The following PUF60 variants were observed in gnomAD, a reference collection of about 807,000 sequenced individuals.
PUF60 encodes the protein poly(U) binding splicing factor 60.
A neutral mutation model predicts 61.8 loss-of-function variants in PUF60; 10 were observed. That is an observed-to-expected ratio of 0.16 (90% CI 0.10 to 0.27). The LOEUF (loss-of-function observed/expected upper bound fraction) is 0.27. Ranked by LOEUF, PUF60 falls within the 10% of genes least tolerant of loss-of-function variation. The pLI is 1.00. For synonymous variants in PUF60, 353 were observed against 300.9 expected, an observed-to-expected ratio of 1.17 and a Z score of -1.79; for missense variants, 371 against 754.0, an observed-to-expected ratio of 0.49 and a Z score of 5.95.
chr8:143,828,935 C>A (rs1554648969), intron 1 of PUF60: 1 of 987,178 alleles, frequency 1.0e-6, no homozygotes, highest in East Asian at 1.1e-4. Flanking sequence ...GTGACCACGG[C>A]GCACACCCCC....
In PUF60 at chr8:143,816,466, A is replaced by AT. The variant is rs1816290899; in HGVS notation, c.*53dup. 3.2e-6 allele frequency: 5 copies of AT among 1,559,974 alleles called. No homozygotes were observed. The South Asian group carries it at 6.1e-5, about 19-fold the overall frequency. On this transcript the variant is annotated 3_prime_UTR_variant, in exon 12 of 12. Coordinates refer to ENST00000526683, the MANE Select transcript of PUF60 (RefSeq NM_078480.3). ...GCCCCGGGGACACCACTGTATCACT[A>AT]TAAAACCCAGAGGAAACAAGGAACA...
Position 143,829,285 on chromosome 8 carries a change from C to A in PUF60, c.19G>T (p.Ala7Ser), listed in dbSNP as rs782322841. 8.7e-6 allele frequency: 11 copies of A among 1,268,272 alleles called. No homozygotes were observed. Among genetic ancestry groups the A allele is most frequent in the South Asian group, 2.7e-5 (1 of 36,556 alleles). The allele number at this position is 1,268,272 out of a possible 1,614,324, so 78.6% of individuals were successfully genotyped here. A position where few individuals can be genotyped will look rare whatever the true frequency, so the allele number is the denominator to read the frequency against. ...TCATGGGGGGGCTCACTTACGAGAGCTATGGTCGCCGTCGCCATCTTGCGT... is the reference window on the plus strand; with the variant it reads ...TCATGGGGGGGCTCACTTACGAGAGATATGGTCGCCGTCGCCATCTTGCGT... MATATI[A>S]LQVNGQQGGG... The change falls in exon 1 of 12, where the codon GCT (alanine) becomes TCT (serine). Residue 7 changes from alanine (A) to serine (S), a missense_variant. This residue lies in a region of PUF60 where 69 missense variants were observed against 64.7 expected (regional missense o/e 1.07). Coordinates refer to ENST00000526683, the MANE Select transcript of PUF60 (RefSeq NM_078480.3).
intron 1 of PUF60, among the ~76,000 whole-genome samples, chr8:143,826,428 A>C (rs2130422194): frequency 6.6e-6 from 1 of 152,242 alleles, no homozygotes; most frequent in Admixed American, 6.5e-5. Flanking sequence ...TTTAAAAAGT[A>C]ATGTGGCCAG....
intron 1 of PUF60, chr8:143,829,002 AC>A: frequency 1.2e-5 from 12 of 992,460 alleles, no homozygotes; most frequent in Non-Finnish European, 1.4e-5. Flanking sequence ...CAGGAACGCA[AC>A]CCCGCCAGGC....
chr8:143,819,110 A>T (rs1816720618), intron 5 of PUF60: 1 of 152,654 alleles, frequency 6.6e-6, no homozygotes, highest in South Asian at 2.1e-4. Context: ...GTGGGGGCTC[A>T]TGCTGTGCCT....
intron 2 of PUF60, chr8:143,823,106 G>A (rs963156374): frequency 2.5e-4 from 41 of 164,606 alleles, no homozygotes; most frequent in Admixed American, 1.3e-3. Flanking sequence ...AGTCCCTGAA[G>A]GTCAAAGGCT....
chr8:143,818,210 C>A lies in PUF60; in HGVS notation c.586G>T (p.Gly196Trp). 1 of 1,611,198 alleles carries A rather than the reference C, an allele frequency of 6.2e-7. No individual in the cohort carries two copies. The highest frequency in any genetic ancestry group is 2.2e-5 in the East Asian group (1 of 44,760). Residue 196 changes from glycine (G) to tryptophan (W), a missense_variant, in exon 7 of 12, where the codon GGG becomes TGG. Transcript: ENST00000526683. This position sits in a 1 kb window ranked among gnomAD's most constrained non-coding sequence, Gnocchi z 7.9. The part of the protein sequence containing the change: ...ALEQMNSVML[G>W]GRNIKVGRPS... ...TGCCTCACCTTGATGTTCCTGCCCCCCAGCATCACCGAGTTCATCTGCTCC... is the reference window on the plus strand; with the variant it reads ...TGCCTCACCTTGATGTTCCTGCCCCACAGCATCACCGAGTTCATCTGCTCC...
At chr8:143,821,499 T>A in intron 4 of PUF60, 98 bp downstream of exon 4, 1 of 1,132,774 alleles carries the variant, frequency 8.8e-7, no homozygotes, top group Non-Finnish European at 1.3e-6. Context: ...TGTAACAGCT[T>A]GCGGGGACGG....
rs767831336 is a variant in PUF60 at position 143,821,929 on chromosome 8, G to A, written c.112-16C>T. 5.0e-5 allele frequency: 79 copies of A among 1,569,590 alleles called. No individual in the cohort carries two copies. Among genetic ancestry groups the A allele is most frequent in the Non-Finnish European group, 6.4e-5 (74 of 1,157,400 alleles). ...AGTCTGTGCCCTGGTAAGGGAGCAG[G>A]GGAATCCATCAGCAGCAAGCTCAAG... On this transcript the variant is annotated splice_polypyrimidine_tract_variant and intron_variant, in intron 2 of 11. Coordinates refer to ENST00000526683, the MANE Select transcript of PUF60 (RefSeq NM_078480.3).
intron 2 of PUF60, chr8:143,822,459 C>A (rs1314867024): frequency 4.4e-6 from 2 of 456,422 alleles, no homozygotes; most frequent in Non-Finnish European, 8.8e-6. Context: ...GTGCTCCCCC[C>A]ACCGTCCCCG....
Position 143,819,961 on chromosome 8 carries a change from C to T in PUF60, c.348+705G>A, listed in dbSNP as rs531448790. Among the ~76,000 whole-genome samples the T allele has an allele frequency of 3.2e-4, 49 of 152,346 alleles. 1 individual carries two copies. The highest frequency in any genetic ancestry group is 2.2e-3 in the Admixed American group (34 of 15,312). On this transcript the variant is annotated intron_variant, in intron 5 of 11. Transcript: ENST00000526683. ...TGGGAGCCACACACAGGGATGACCCCTCTGAACAGAGGCTCCCAGAGAAGG... is the reference window on the plus strand; with the variant it reads ...TGGGAGCCACACACAGGGATGACCCTTCTGAACAGAGGCTCCCAGAGAAGG...
rs570987033 is a variant in PUF60 at position 143,817,284 on chromosome 8, G to A, written c.1144+47C>T. 3.2e-6 allele frequency: 5 copies of A among 1,562,334 alleles called. No homozygotes were observed. In the East Asian group the frequency reaches 9.0e-5, roughly 28 times the overall value. The stretch of plus-strand genomic sequence containing the variant: ...GGCAGCTGAGGGCAGCGAGCCGAGA[G>A]ATGCCAGGACAGGAGAGGAGAGGAT... On this transcript the variant is annotated intron_variant, in intron 10 of 11. Transcript: ENST00000526683. This position sits in a 1 kb window ranked among gnomAD's most constrained non-coding sequence, Gnocchi z 7.4.
At chr8:143,821,504 G>T in intron 4 of PUF60, 93 bp downstream of exon 4, 1 of 1,167,096 alleles carries the variant, frequency 8.6e-7, no homozygotes, top group Non-Finnish European at 1.2e-6. Context: ...CAGCTTGCGG[G>T]GACGGCCGCA....
At chr8:143,823,815 T>C (rs1046408256) in intron 2 of PUF60, among the ~76,000 whole-genome samples, 1 of 152,240 alleles carries the variant, frequency 6.6e-6, no homozygotes, top group African/African-American at 2.4e-5. Context: ...CTCTGGAGCC[T>C]GGGGCCGAAA....
Position 143,818,661 on chromosome 8 carries a change from G to T in PUF60, c.349-127C>A. 1 of 1,031,930 alleles carries T rather than the reference G, an allele frequency of 9.7e-7. No individual in the cohort carries two copies. Among genetic ancestry groups the T allele is most frequent in the Non-Finnish European group, 1.4e-6 (1 of 729,384 alleles). 63.9% of individuals were successfully genotyped at this position (1,031,930 alleles called of 1,614,324 possible). On this transcript the variant is annotated intron_variant, in intron 5 of 11. Transcript: ENST00000526683. This position sits in a 1 kb window ranked among gnomAD's most constrained non-coding sequence, Gnocchi z 7.9. Reference sequence around the variant, plus strand: ...GGAGGGCTCCCCACATGACAGGGAGGTGCGGGCTCCATCCCTGCAGTCATA... The same window carrying T: ...GGAGGGCTCCCCACATGACAGGGAGTTGCGGGCTCCATCCCTGCAGTCATA...
At chr8:143,822,951 G>A (rs541124711) in intron 2 of PUF60, 159 of 207,706 alleles carry the variant, frequency 7.7e-4, no homozygotes, top group African/African-American at 3.7e-3. Flanking sequence ...GATGAGCAAG[G>A]ACAGAGGGAC....
intron 1 of PUF60, among the ~76,000 whole-genome samples, chr8:143,827,884 C>G (rs1444031931): frequency 2.0e-5 from 3 of 152,174 alleles, no homozygotes; most frequent in Non-Finnish European, 4.4e-5. Flanking sequence ...GGGCGCTGTT[C>G]TGCGGGTGCT....
At chr8:143,819,446 A>G (rs1346852120) in intron 5 of PUF60, among the ~76,000 whole-genome samples, 1 of 152,050 alleles carries the variant, frequency 6.6e-6, no homozygotes, top group African/African-American at 2.4e-5. Context: ...GGGCCAGGGC[A>G]GGCAAAGCAG....
chr8:143,820,837 C>A (rs979058685), intron 4 of PUF60, 121 bp from the exon 5 acceptor site: 2 of 942,674 alleles, frequency 2.1e-6, no homozygotes, highest in Admixed American at 1.8e-5. Flanking sequence ...AGGCCGCCTG[C>A]CTTCCCACAC....
Sources: allele counts gnomAD v4.1 joint callset (sites outside exome capture counted in the v4.1 genomes callset), GRCh38; gene constraint gnomAD v4.1.1; regional missense constraint gnomAD v4.1.1; non-coding constraint Gnocchi (gnomAD v3.1); transcripts MANE v1.5; gene names NCBI Gene and HGNC (gene_info 2026-07-23, HGNC 2026-07-21).